Variants in ATP2B1 observed in about 807,000 individuals in gnomAD.
ATP2B1 encodes the protein ATPase plasma membrane Ca2+ transporting 1, also known as plasma membrane calcium-transporting ATPase 1.
A neutral mutation model predicts 124.2 loss-of-function variants in ATP2B1; 14 were observed. The ratio of observed to expected loss-of-function variants is 0.11; its 90% CI spans 0.07 to 0.18. ATP2B1 has a LOEUF of 0.18. Ranked by LOEUF, ATP2B1 falls within the 10% of genes least tolerant of loss-of-function variation. The probability of loss-of-function intolerance (pLI) is 1.00; values close to 1 mark genes in which losing one functional copy is unlikely to be tolerated. For missense variants in ATP2B1, 763 were observed against 1,466.1 expected, an observed-to-expected ratio of 0.52 and a Z score of 7.83; for synonymous variants, 449 against 492.4, an observed-to-expected ratio of 0.91 and a Z score of 1.17.
intron 12 of ATP2B1, among the ~76,000 whole-genome samples, chr12:89,616,433 T>C (rs534106004): frequency 1.3e-5 from 2 of 152,272 alleles, no homozygotes; most frequent in South Asian, 4.1e-4. Flanking sequence ...TACTAAACAA[T>C]ATACAGAACA....
At chr12:89,698,421 A>G (rs144217418) in intron 1 of ATP2B1, among the ~76,000 whole-genome samples, 1 of 152,206 alleles carries the variant, frequency 6.6e-6, no homozygotes, top group African/African-American at 2.4e-5. Context: ...AAAATTCCAG[A>G]AAAGTCAAAT....
intron 1 of ATP2B1, among the ~76,000 whole-genome samples, chr12:89,687,996 GAAC>G (rs1243840382): frequency 6.6e-6 from 1 of 151,880 alleles, no homozygotes; most frequent in African/African-American, 2.4e-5. Flanking sequence ...CTAAAACCAA[GAAC>G]ATGTAAGAAC....
intron 16 of ATP2B1, 101 bp from the exon 17 acceptor site, chr12:89,604,026 A>G (rs1453815261): frequency 1.4e-6 from 2 of 1,414,748 alleles, no homozygotes; most frequent in East Asian, 5.0e-5. Flanking sequence ...ACAGAACAGG[A>G]TTATATTTTT....
Position 89,588,204 on chromosome 12 carries a change from A to G in ATP2B1, c.*2780T>C, listed in dbSNP as rs1312165063. ...GGTATCTCAGTTGGCTTACACGTGT[A>G]AAAAGAAATTTTCAAAGAGCAATTT... On this transcript the variant is annotated 3_prime_UTR_variant, in exon 21 of 21. Transcript: ENST00000428670. 6.6e-6 allele frequency: 1 copy of G among 152,638 alleles called. No individual in the cohort carries two copies. The highest frequency in any genetic ancestry group is 1.5e-5 in the Non-Finnish European group (1 of 68,014). 9.5% of individuals were successfully genotyped at this position (152,638 alleles called of 1,614,324 possible). A position where few individuals can be genotyped will look rare whatever the true frequency, so the allele number is the denominator to read the frequency against.
chr12:89,648,028 C>T (rs1485395016), intron 2 of ATP2B1, among the ~76,000 whole-genome samples: 1 of 152,162 alleles, frequency 6.6e-6, no homozygotes, highest in Non-Finnish European at 1.5e-5. Flanking sequence ...AATTGTGAGC[C>T]CATTAAATCT....
At position 89,615,270 on chromosome 12, in the gene ATP2B1, T is replaced by C. The variant is rs192937141; in HGVS notation, c.2067+1532A>G. Among the ~76,000 whole-genome samples the C allele has an allele frequency of 6.6e-5, 10 of 152,300 alleles. No individual in the cohort carries two copies. In the East Asian group the frequency reaches 1.9e-3, roughly 29 times the overall value. The stretch of plus-strand genomic sequence containing the variant: ...TCTTAATGCAGTCTCTCTCCATTAC[T>C]TTATTTCATTACACCGTGCATATCT... On this transcript the variant is annotated intron_variant, in intron 12 of 20. Coordinates refer to ENST00000428670, the MANE Select transcript of ATP2B1 (RefSeq NM_001366521.1).
At chr12:89,592,653 T>G (rs1244808835) in intron 20 of ATP2B1, among the ~76,000 whole-genome samples, 2 of 152,078 alleles carry the variant, frequency 1.3e-5, no homozygotes, top group Admixed American at 6.6e-5. Context: ...GCTCTGCCAC[T>G]TACTACCTGA....
At chr12:89,602,316 C>T (rs1229258356) in intron 18 of ATP2B1, among the ~76,000 whole-genome samples, 6 of 152,104 alleles carry the variant, frequency 3.9e-5, no homozygotes, top group Non-Finnish European at 5.9e-5. Flanking sequence ...ACAATATTCA[C>T]CCTCCTGTGA....
At chr12:89,701,119 C>T (rs1473070987) in intron 1 of ATP2B1, among the ~76,000 whole-genome samples, 2 of 152,104 alleles carry the variant, frequency 1.3e-5, no homozygotes, top group Non-Finnish European at 2.9e-5. Flanking sequence ...TAATACAGAC[C>T]ATATACCTAC....
At chr12:89,602,810 A>G (rs1876128742) in intron 18 of ATP2B1, among the ~76,000 whole-genome samples, 1 of 152,184 alleles carries the variant, frequency 6.6e-6, no homozygotes, top group East Asian at 1.9e-4. Context: ...CTTTCACTTT[A>G]CAGTTGGAAG....
At position 89,603,307 on chromosome 12, in the gene ATP2B1, A is replaced by C; in HGVS notation, c.2849-53T>G. On this transcript the variant is annotated intron_variant, in intron 17 of 20. Coordinates refer to ENST00000428670, the MANE Select transcript of ATP2B1 (RefSeq NM_001366521.1). This position sits in a 1 kb window ranked among gnomAD's most constrained non-coding sequence, Gnocchi z 4.3. ...TAATTATCATACCAAATTAGATTTC[A>C]AGGAGGTATACAAATTACAACTTAG... 1.1e-5 allele frequency: 16 copies of C among 1,400,806 alleles called. No individual in the cohort carries two copies. Among genetic ancestry groups the C allele is most frequent in the East Asian group, 2.5e-5 (1 of 40,582 alleles). The allele number at this position is 1,400,806 out of a possible 1,614,324, so 86.8% of individuals were successfully genotyped here. A position where few individuals can be genotyped will look rare whatever the true frequency, so the allele number is the denominator to read the frequency against.
At position 89,690,910 on chromosome 12, in the gene ATP2B1, G is replaced by C. The variant is rs575196992; in HGVS notation, c.-222+17686C>G. On this transcript the variant is annotated intron_variant, in intron 1 of 20. Transcript: ENST00000428670. ...TGCAGTCAATATTTAGAATCAATAA[G>C]AATAAACCAAATCCCTAGCCTCTTG... Among the ~76,000 whole-genome samples the C allele has an allele frequency of 3.3e-5, 5 of 152,166 alleles. No homozygotes were observed. In the South Asian group the frequency reaches 6.2e-4, roughly 19 times the overall value.
chr12:89,620,980 A>G lies in ATP2B1; in HGVS notation c.1587+569T>C, dbSNP rs1037984504. ...ATAAATCACTAGAAGAGATTAAGTC[A>G]AACATAACATCGCATTCTTTCTGTT... On this transcript the variant is annotated intron_variant, in intron 10 of 20. Coordinates refer to ENST00000428670, the MANE Select transcript of ATP2B1 (RefSeq NM_001366521.1). Among the ~76,000 whole-genome samples the G allele has an allele frequency of 4.6e-5, 7 of 152,186 alleles. No individual in the cohort carries two copies. In the East Asian group the frequency reaches 1.3e-3, roughly 29 times the overall value.
chr12:89,616,349 A>T (rs1454252309), intron 12 of ATP2B1, among the ~76,000 whole-genome samples: 8 of 152,230 alleles, frequency 5.3e-5, no homozygotes, highest in African/African-American at 1.9e-4. Context: ...AATAAAATTT[A>T]AAAATCCTGT....
intron 1 of ATP2B1, among the ~76,000 whole-genome samples, chr12:89,673,374 T>C (rs949441266): frequency 8.5e-5 from 13 of 152,256 alleles, no homozygotes; most frequent in Non-Finnish European, 1.5e-4. Context: ...GTCTTTCCTA[T>C]TTCAAAGTAT....
intron 2 of ATP2B1, 29 bp from the exon 3 acceptor site, chr12:89,642,384 C>G (rs2136242244): frequency 6.4e-7 from 1 of 1,563,610 alleles, no homozygotes; most frequent in Non-Finnish European, 8.7e-7. Flanking sequence ...TTTCAGTGAA[C>G]AGTTTTACTT....
intron 15 of ATP2B1, among the ~76,000 whole-genome samples, chr12:89,605,076 CAT>C (rs1171866980): frequency 6.6e-5 from 10 of 152,054 alleles, no homozygotes; most frequent in Non-Finnish European, 1.5e-4. Flanking sequence ...ATCTGACAAA[CAT>C]AATGCTGAAT....
chr12:89,687,676 C>T (rs1033733729), intron 1 of ATP2B1, among the ~76,000 whole-genome samples: 1 of 151,994 alleles, frequency 6.6e-6, no homozygotes, highest in Non-Finnish European at 1.5e-5. Flanking sequence ...TCCATACACT[C>T]TATTTACTAA....
chr12:89,611,501 T>C (rs1878011153), intron 12 of ATP2B1, 129 bp from the exon 13 acceptor site: 2 of 701,340 alleles, frequency 2.9e-6, no homozygotes, highest in Middle Eastern at 3.0e-4. Context: ...GACTTAATAA[T>C]GATTGATTTC....
Sources: allele counts gnomAD v4.1 joint callset (sites outside exome capture counted in the v4.1 genomes callset), GRCh38; gene constraint gnomAD v4.1.1; non-coding constraint Gnocchi (gnomAD v3.1); transcripts MANE v1.5; gene names NCBI Gene and HGNC (gene_info 2026-07-23, HGNC 2026-07-21).